GLRB: variants seen among roughly 807,000 people sequenced by gnomAD.
GLRB encodes glycine receptor subunit beta.
GLRB carries 33 observed loss-of-function variants against 54.2 expected under a neutral mutation model. The ratio of observed to expected loss-of-function variants is 0.61; its 90% CI spans 0.46 to 0.81. The LOEUF is 0.81. Ranked by LOEUF, GLRB falls within the 40% of genes least tolerant of loss-of-function variation. The probability of loss-of-function intolerance (pLI) is 0.00; values close to 1 mark genes in which losing one functional copy is unlikely to be tolerated. For missense variants in GLRB, 572 were observed against 584.6 expected (o/e 0.98, Z 0.22); for synonymous variants, 209 against 208.2 (o/e 1.00, Z -0.03).
At chr4:157,118,942 T>TAGGTAATGGGAAAAATTATTATGC (rs1469150490) in intron 2 of GLRB, among the ~76,000 whole-genome samples, 1 of 151,512 alleles carries the variant, frequency 6.6e-6, no homozygotes, top group Non-Finnish European at 1.5e-5. Context: ...TGTGTGTGTG[T>TAGGTAATGGGAAAAATTATTATGC]AGGTAATGGG....
Position 157,170,533 on chromosome 4 carries a change from C to G in GLRB, c.1299C>G (p.Ser433=). Residue 433 remains serine, a synonymous_variant, in exon 10 of 10, where the codon TCC becomes TCG. Coordinates refer to ENST00000264428, the MANE Select transcript of GLRB (RefSeq NM_000824.5). The part of the protein sequence containing the change: ...VGSLPRDFEL[S]NYDCYGKPIE... ...GCTTACCAAGAGATTTTGAACTATC[C>G]AATTATGACTGCTATGGAAAACCCA... 1 of 1,611,324 alleles carries G rather than the reference C, an allele frequency of 6.2e-7. No homozygotes were observed. The highest frequency in any genetic ancestry group is 1.1e-5 in the South Asian group (1 of 91,014).
Position 157,112,076 on chromosome 4 carries a change from C to CT in GLRB, c.123-8469dup, listed in dbSNP as rs34390735. The stretch of plus-strand genomic sequence containing the variant: ...AATTCCTCACATTTCAATTCCATGT[C>CT]TTTTTTTTTTTAACCATAAACTCTC... On this transcript the variant is annotated intron_variant, in intron 2 of 9. Transcript: ENST00000264428. 6.3e-3 allele frequency among the ~76,000 whole-genome samples: 918 copies of CT among 146,288 alleles called. 41 individuals carry two copies. In the East Asian group the frequency reaches 0.13, roughly 21 times the overall value.
At chr4:157,078,302 GT>G in intron 2 of GLRB, 156 bp downstream of exon 2, 1 of 812,548 alleles carries the variant, frequency 1.2e-6, no homozygotes, top group Non-Finnish European at 1.5e-6. Context: ...GTGAGGAGAG[GT>G]TTAGAATGTA....
Position 157,168,266 on chromosome 4 carries a change from T to C in GLRB, c.1198-2166T>C, listed in dbSNP as rs145730697. Among the ~76,000 whole-genome samples the C allele has an allele frequency of 7.2e-5, 11 of 152,262 alleles. No homozygotes were observed. The East Asian group carries it at 2.1e-3, about 29-fold the overall frequency. On this transcript the variant is annotated intron_variant, in intron 9 of 9. Transcript: ENST00000264428. ...ACAATTGGTAAATTGTAACTGCACATTAAAAAAGTGGAGTGAGGGGGTGCA... is the reference window on the plus strand; with the variant it reads ...ACAATTGGTAAATTGTAACTGCACACTAAAAAAGTGGAGTGAGGGGGTGCA...
rs1219789956 is a variant in GLRB, at chr4:157,076,982, G to T, written c.-30+685G>T. Among the ~76,000 whole-genome samples the T allele has an allele frequency of 9.0e-3, 939 of 104,332 alleles. 60 individuals are homozygous for T. In the East Asian group the frequency reaches 0.14, roughly 16 times the overall value. The allele number at this position is 104,332 out of a possible 152,430, so 68.4% of individuals were successfully genotyped here. A position where few individuals can be genotyped will look rare whatever the true frequency, so the allele number is the denominator to read the frequency against. On this transcript the variant is annotated intron_variant, in intron 1 of 9. Transcript: ENST00000264428. Reference sequence around the variant, plus strand: ...TGGGGGGAAGAATCCTGGGGGGGGGGGGGGAAGATGAAAAACATGACATAA... The same window carrying T: ...TGGGGGGAAGAATCCTGGGGGGGGGTGGGGAAGATGAAAAACATGACATAA...
chr4:157,168,452 A>G (rs1737798248), intron 9 of GLRB, among the ~76,000 whole-genome samples: 1 of 152,176 alleles, frequency 6.6e-6, no homozygotes, highest in Non-Finnish European at 1.5e-5. Flanking sequence ...TCTGAAAATT[A>G]CTGGTAACAA....
chr4:157,093,046 C>G (rs1345867920), intron 2 of GLRB, among the ~76,000 whole-genome samples: 2 of 152,318 alleles, frequency 1.3e-5, no homozygotes, highest in African/African-American at 4.8e-5. Context: ...TCATTACCCT[C>G]TCCAGTGGGA....
At chr4:157,090,778 A>G (rs1345595380) in intron 2 of GLRB, among the ~76,000 whole-genome samples, 1 of 152,166 alleles carries the variant, frequency 6.6e-6, no homozygotes, top group Non-Finnish European at 1.5e-5. Flanking sequence ...ATATTTTATT[A>G]TACAACATCA....
At chr4:157,164,739 A>G (rs973696694) in intron 9 of GLRB, among the ~76,000 whole-genome samples, 1 of 152,192 alleles carries the variant, frequency 6.6e-6, no homozygotes, top group East Asian at 1.9e-4. Context: ...GAAGGAGGCT[A>G]TCTAGAACCA....
chr4:157,161,677 G>A (rs991877264), intron 9 of GLRB, among the ~76,000 whole-genome samples: 6 of 152,192 alleles, frequency 3.9e-5, no homozygotes, highest in Admixed American at 3.9e-4. Context: ...CTTCTAGCTT[G>A]TAGAGTTTCT....
At chr4:157,158,158 T>A (rs1737311189) in intron 9 of GLRB, among the ~76,000 whole-genome samples, 1 of 152,192 alleles carries the variant, frequency 6.6e-6, no homozygotes, top group African/African-American at 2.4e-5. Flanking sequence ...TCTGTTCATA[T>A]CCTTTGCCCA....
chr4:157,115,256 T>G (rs556103343), intron 2 of GLRB, among the ~76,000 whole-genome samples: 66 of 151,062 alleles, frequency 4.4e-4, no homozygotes, highest in South Asian at 8.3e-4. Context: ...ATGGTGTTTT[T>G]TTTTTTTTTT....
chr4:157,125,172 A>G (rs1002515895), intron 4 of GLRB, among the ~76,000 whole-genome samples: 45 of 151,936 alleles, frequency 3.0e-4, no homozygotes, highest in Admixed American at 2.7e-3. Context: ...AAAAGGGTAT[A>G]CATGTCTGGA....
chr4:157,141,918 T>G (rs1290711717), intron 7 of GLRB, among the ~76,000 whole-genome samples: 2 of 152,044 alleles, frequency 1.3e-5, no homozygotes, highest in Non-Finnish European at 2.9e-5. Flanking sequence ...AATGGAAAAT[T>G]TTATTTTAAA....
chr4:157,095,127 G>C (rs2126463517), intron 2 of GLRB, among the ~76,000 whole-genome samples: 1 of 152,120 alleles, frequency 6.6e-6, no homozygotes, highest in Non-Finnish European at 1.5e-5. Context: ...CAGGGAAACA[G>C]GTGTCAAATA....
At chr4:157,137,894 G>A (rs1202391577) in intron 6 of GLRB, among the ~76,000 whole-genome samples, 2 of 152,074 alleles carry the variant, frequency 1.3e-5, no homozygotes, top group East Asian at 1.9e-4. Context: ...TTTTGAGTTC[G>A]ATACTAGACT....
At chr4:157,102,121 C>T (rs962088445) in intron 2 of GLRB, among the ~76,000 whole-genome samples, 6 of 152,142 alleles carry the variant, frequency 3.9e-5, no homozygotes, top group African/African-American at 7.2e-5. Context: ...AAAAAGTCAT[C>T]ATGTTGTATG....
At chr4:157,077,519 A>T (rs1734081924) in intron 1 of GLRB, among the ~76,000 whole-genome samples, 1 of 152,072 alleles carries the variant, frequency 6.6e-6, no homozygotes, top group Admixed American at 6.5e-5. Flanking sequence ...TTTAAAATAC[A>T]TTATTTTTGA....
intron 7 of GLRB, among the ~76,000 whole-genome samples, chr4:157,141,459 T>C (rs1404622949): frequency 6.6e-6 from 1 of 151,886 alleles, no homozygotes; most frequent in Non-Finnish European, 1.5e-5. Context: ...CAATATTTAG[T>C]TTGTATAGAA....
Sources: allele counts gnomAD v4.1 joint callset (sites outside exome capture counted in the v4.1 genomes callset), GRCh38; gene constraint gnomAD v4.1.1; transcripts MANE v1.5; gene names NCBI Gene and HGNC (gene_info 2026-07-23, HGNC 2026-07-21).